Variants in CSGALNACT1 observed in about 807,000 individuals in gnomAD.
CSGALNACT1 encodes the protein chondroitin sulfate N-acetylgalactosaminyltransferase 1.
A neutral mutation model predicts 51.0 loss-of-function variants in CSGALNACT1; 52 were observed. The ratio of observed to expected loss-of-function variants is 1.02; its 90% confidence interval spans 0.82 to 1.29. The LOEUF (loss-of-function observed/expected upper bound fraction) is 1.29. Ranked by LOEUF, CSGALNACT1 falls within the 50% of genes most tolerant of loss-of-function variation. The pLI is 0.00. For missense variants in CSGALNACT1, 935 were observed against 679.2 expected (o/e 1.38, Z -4.19); for synonymous variants, 341 against 254.4 (o/e 1.34, Z -3.24).
At chr8:19,494,886 C>CG (rs1381765702) in intron 4 of CSGALNACT1, among the ~76,000 whole-genome samples, 6 of 66,010 alleles carry the variant, frequency 9.1e-5, no homozygotes, top group Non-Finnish European at 1.5e-4. Flanking sequence ...AGAAAATGGG[C>CG]GGGGGGCGGG....
chr8:19,426,592 T>C (rs2153711564), intron 6 of CSGALNACT1, among the ~76,000 whole-genome samples: 1 of 152,316 alleles, frequency 6.6e-6, no homozygotes, highest in South Asian at 2.1e-4. Context: ...ATGATTTGCT[T>C]ATAATTATTT....
intron 3 of CSGALNACT1, among the ~76,000 whole-genome samples, chr8:19,562,146 C>T (rs1377724307): frequency 6.6e-6 from 1 of 152,174 alleles, no homozygotes; most frequent in Non-Finnish European, 1.5e-5. Context: ...AGACCCCCCA[C>T]AGCCAAACCA....
Position 19,439,822 on chromosome 8 carries a change from G to C in CSGALNACT1, c.953+8C>G. 1 of 1,601,066 alleles carries C rather than the reference G, an allele frequency of 6.2e-7. No homozygotes were observed. Among genetic ancestry groups the C allele is most frequent in the Admixed American group, 1.7e-5 (1 of 59,988 alleles). ...GGATTCCTTATGACAGCTCCGTATT[G>C]TACTCACTTGGAAGTGTTTTCAAGT... is the stretch of plus-strand genomic sequence containing the variant. On this transcript the variant is annotated splice_region_variant and intron_variant, in intron 6 of 9. Transcript: ENST00000454498.
At chr8:19,535,191 A>G (rs1039880077) in intron 3 of CSGALNACT1, among the ~76,000 whole-genome samples, 1 of 152,138 alleles carries the variant, frequency 6.6e-6, no homozygotes, top group African/African-American at 2.4e-5. Flanking sequence ...ATAAATGACA[A>G]CATTTGAAAA....
chr8:19,405,607 T>G (rs2053980632), exon 10 of CSGALNACT1: 1 of 892,450 alleles, frequency 1.1e-6, no homozygotes, highest in East Asian at 2.6e-5. Context: ...AAAGCGGAGA[T>G]TTTGATTTCT....
chr8:19,474,112 C>A (rs74469166), intron 4 of CSGALNACT1, among the ~76,000 whole-genome samples: 1,702 of 152,164 alleles, frequency 0.011, 32 homozygotes, highest in African/African-American at 0.038. Flanking sequence ...GGTCCAGATC[C>A]ATGGAGCTTC....
chr8:19,613,762 G>A (rs2052622496), intron 1 of CSGALNACT1, among the ~76,000 whole-genome samples: 1 of 152,144 alleles, frequency 6.6e-6, no homozygotes, highest in Non-Finnish European at 1.5e-5. Context: ...AGAGGTATTA[G>A]CAACTTGCAA....
In CSGALNACT1 at chr8:19,420,346, G is replaced by A; in HGVS notation, c.1126C>T (p.Gln376Ter). ...ACAGAGAGATGATCCATACCTGGCT[G>A]TGTATTCAGCCTACACGTATTGAGG... Residue 376 changes from glutamine to a stop codon, truncating the protein, a stop_gained, in exon 7 of 10, where the codon CAG becomes TAG. Coordinates refer to ENST00000454498, the Ensembl canonical transcript of CSGALNACT1. LOFTEE classifies it high-confidence loss of function. 1 of 1,614,118 alleles carries A rather than the reference G, an allele frequency of 6.2e-7. No individual in the cohort carries two copies. Among genetic ancestry groups the A allele is most frequent in the Non-Finnish European group, 8.5e-7 (1 of 1,179,964 alleles).
intron 4 of CSGALNACT1, among the ~76,000 whole-genome samples, chr8:19,498,527 C>T (rs763114351): frequency 3.0e-4 from 45 of 152,286 alleles, no homozygotes; most frequent in African/African-American, 7.0e-4. Flanking sequence ...CTTCAACTCA[C>T]GGAGAACACA....
chr8:19,497,049 C>T (rs747845637), intron 4 of CSGALNACT1, among the ~76,000 whole-genome samples: 28 of 152,204 alleles, frequency 1.8e-4, no homozygotes, highest in Non-Finnish European at 3.2e-4. Context: ...ATATTCTCAC[C>T]TTAGGGAACT....
At chr8:19,406,016 G>A (rs376968161) in exon 10 of CSGALNACT1, 11 of 1,614,068 alleles carry the variant, frequency 6.8e-6, no homozygotes, top group South Asian at 2.2e-5. Context: ...AGATACTTGC[G>A]ATAAAGGTGC....
intron 8 of CSGALNACT1, among the ~76,000 whole-genome samples, chr8:19,413,412 T>A (rs1195758624): frequency 1.3e-5 from 2 of 152,132 alleles, no homozygotes; most frequent in East Asian, 3.9e-4. Context: ...ATGAGAATAA[T>A]AGCACCTCTT....
chr8:19,560,683 C>T (rs1334086743), intron 3 of CSGALNACT1, among the ~76,000 whole-genome samples: 1 of 152,168 alleles, frequency 6.6e-6, no homozygotes, highest in African/African-American at 2.4e-5. Flanking sequence ...TGAATACACA[C>T]CTTCATTCTG....
At chr8:19,501,026 G>C (rs1025623181) in intron 4 of CSGALNACT1, among the ~76,000 whole-genome samples, 1 of 152,056 alleles carries the variant, frequency 6.6e-6, no homozygotes, top group Non-Finnish European at 1.5e-5. Context: ...GAGATGGGCC[G>C]ATCACTTGAG....
chr8:19,431,854 G>A (rs558960468), intron 6 of CSGALNACT1, among the ~76,000 whole-genome samples: 16 of 151,634 alleles, frequency 1.1e-4, no homozygotes, highest in African/African-American at 3.9e-4. Flanking sequence ...CTTGTTATAA[G>A]TCTAGTTAGA....
At chr8:19,601,961 A>G (rs1194898505) in intron 1 of CSGALNACT1, 96 bp from the exon 2 acceptor site, 17 of 439,108 alleles carry the variant, frequency 3.9e-5, no homozygotes, top group East Asian at 7.0e-5. Flanking sequence ...ATCACTTAGT[A>G]TATAAAATAC....
intron 5 of CSGALNACT1, chr8:19,457,711 G>A (rs2064411585): frequency 7.5e-7 from 1 of 1,334,050 alleles, no homozygotes; most frequent in Non-Finnish European, 9.9e-7. Context: ...TCACTTAGCT[G>A]GTTATCCTCA....
chr8:19,478,649 A>G lies in CSGALNACT1; in HGVS notation c.635-20007T>C, dbSNP rs1055231546. Among the ~76,000 whole-genome samples, 3 of 152,124 alleles carry G rather than the reference A, an allele frequency of 2.0e-5. No individual in the cohort carries two copies. In the South Asian group the frequency reaches 6.2e-4, roughly 32 times the overall value. ...ATGGGACACTGGTACTTCGCTAATA[A>G]CATATTGCTCCTCTTCAAAGCAATT... On this transcript the variant is annotated intron_variant, in intron 4 of 9. Transcript: ENST00000454498.
At chr8:19,522,328 C>T (rs2080894430) in intron 3 of CSGALNACT1, among the ~76,000 whole-genome samples, 1 of 152,126 alleles carries the variant, frequency 6.6e-6, no homozygotes, top group Non-Finnish European at 1.5e-5. Context: ...GAACTCGAGA[C>T]TCTTCATCTC....
Sources: allele counts gnomAD v4.1 joint callset (sites outside exome capture counted in the v4.1 genomes callset), GRCh38; gene constraint gnomAD v4.1.1; transcripts MANE v1.5; gene names NCBI Gene and HGNC (gene_info 2026-07-23, HGNC 2026-07-21).